PPARGC1A: variants seen among roughly 807,000 people sequenced by gnomAD.
The protein encoded by PPARGC1A is PPARG coactivator 1 alpha, also known as peroxisome proliferator-activated receptor gamma coactivator 1-alpha.
In PPARGC1A, 25 loss-of-function variants were observed where a neutral mutation model predicts 88.7. The observed-to-expected ratio is 0.28, with a 90% CI of 0.21 to 0.39. PPARGC1A has a LOEUF of 0.39. Among genes scored for constraint, PPARGC1A ranks in the 10% least tolerant of loss-of-function variants. PPARGC1A has a pLI of 1.00. For missense variants in PPARGC1A, 880 were observed against 968.7 expected (o/e 0.91, Z 1.22); for synonymous variants, 363 against 355.6 (o/e 1.02, Z -0.24).
At chr4:23,956,215 C>T in the PPARGC1A span, among the ~76,000 whole-genome samples, 101 of 152,046 alleles carry the variant, frequency 6.6e-4, 3 homozygotes, top group Non-Finnish European at 2.2e-4. Flanking sequence ...ATACCTGCTC[C>T]AGACTCCTGC....
At chr4:24,314,810 T>C in the PPARGC1A span, among the ~76,000 whole-genome samples, 1 of 152,182 alleles carries the variant, frequency 6.6e-6, no homozygotes, top group Non-Finnish European at 1.5e-5. Context: ...CCAAGAGCTA[T>C]AATTAACTCA....
chr4:24,049,259 TATAA>T, the PPARGC1A span, among the ~76,000 whole-genome samples: 2 of 144,866 alleles, frequency 1.4e-5, no homozygotes, highest in East Asian at 2.0e-4. Context: ...CATATATGTA[TATAA>T]ATACATATAT....
the PPARGC1A span, among the ~76,000 whole-genome samples, chr4:24,260,585 G>C: frequency 6.6e-6 from 1 of 152,182 alleles, no homozygotes; most frequent in African/African-American, 2.4e-5. Context: ...GAGGATAATA[G>C]TGAGTCCCTG....
the PPARGC1A span, among the ~76,000 whole-genome samples, chr4:24,224,103 A>T: frequency 3.3e-5 from 5 of 152,190 alleles, no homozygotes; most frequent in African/African-American, 1.2e-4. Flanking sequence ...GGGGCACGAC[A>T]GTGTCGTTAC....
At chr4:24,184,320 A>G in the PPARGC1A span, among the ~76,000 whole-genome samples, 2 of 152,218 alleles carry the variant, frequency 1.3e-5, no homozygotes, top group East Asian at 3.9e-4. Context: ...TTCCAGTGAG[A>G]TAACAGAAGA....
At chr4:24,450,032 C>T in the PPARGC1A span, among the ~76,000 whole-genome samples, 10 of 152,180 alleles carry the variant, frequency 6.6e-5, no homozygotes, top group Non-Finnish European at 1.3e-4. Flanking sequence ...GAGCATAGGG[C>T]TTCTCAACAA....
chr4:24,220,665 C>A, the PPARGC1A span, among the ~76,000 whole-genome samples: 1 of 152,054 alleles, frequency 6.6e-6, no homozygotes, highest in Non-Finnish European at 1.5e-5. Flanking sequence ...TAAGTGGGAG[C>A]TAAACACTGG....
the PPARGC1A span, among the ~76,000 whole-genome samples, chr4:24,147,893 G>A: frequency 2.6e-5 from 4 of 152,112 alleles, no homozygotes; most frequent in African/African-American, 9.7e-5. Flanking sequence ...GCAGTGAGCT[G>A]AGATCAAGCC....
chr4:24,091,588 C>A, the PPARGC1A span: 1 of 985,354 alleles, frequency 1.0e-6, no homozygotes, highest in Non-Finnish European at 1.2e-6. Flanking sequence ...TACTCTCTCT[C>A]CTTGCAAGCT....
the PPARGC1A span, among the ~76,000 whole-genome samples, chr4:24,350,374 G>A: frequency 1.3e-5 from 2 of 152,252 alleles, no homozygotes; most frequent in East Asian, 3.9e-4. Flanking sequence ...TACACAAATA[G>A]CATCTGAAAA....
the PPARGC1A span, among the ~76,000 whole-genome samples, chr4:24,149,898 C>A: frequency 6.6e-6 from 1 of 152,250 alleles, no homozygotes; most frequent in Middle Eastern, 3.4e-3. Flanking sequence ...GCAAACCTTA[C>A]GGGAGAAGTT....
chr4:24,033,265 G>A, the PPARGC1A span, among the ~76,000 whole-genome samples: 1 of 152,174 alleles, frequency 6.6e-6, no homozygotes, highest in Non-Finnish European at 1.5e-5. Flanking sequence ...CCCTCAAAGA[G>A]TTGAGGTAAC....
At chr4:24,378,907 T>C in the PPARGC1A span, among the ~76,000 whole-genome samples, 1 of 152,184 alleles carries the variant, frequency 6.6e-6, no homozygotes, top group Admixed American at 6.5e-5. Flanking sequence ...CAATACTGCT[T>C]TTACAAAAAC....
chr4:23,902,052 C>G (rs990627027), upstream of PPARGC1A, among the ~76,000 whole-genome samples: 1 of 151,800 alleles, frequency 6.6e-6, no homozygotes, highest in African/African-American at 2.4e-5. Flanking sequence ...TAAAATATAC[C>G]TGGAATTTCA....
At chr4:24,273,897 A>T in the PPARGC1A span, among the ~76,000 whole-genome samples, 1 of 146,368 alleles carries the variant, frequency 6.8e-6, no homozygotes, top group African/African-American at 2.5e-5. Context: ...CGCCCAGCTA[A>T]TTTTTTTTTT....
the PPARGC1A span, among the ~76,000 whole-genome samples, chr4:24,472,514 A>T: frequency 6.6e-6 from 1 of 152,220 alleles, no homozygotes; most frequent in African/African-American, 2.4e-5. The surrounding 1 kb of genome is among the most constrained non-coding windows in gnomAD (Gnocchi z 4.5). Flanking sequence ...CATACACAAA[A>T]GCAACCCAAA....
the PPARGC1A span, among the ~76,000 whole-genome samples, chr4:24,180,453 TCTGGG>T: frequency 2.6e-5 from 4 of 152,228 alleles, no homozygotes; most frequent in African/African-American, 9.6e-5. Flanking sequence ...CCGGCTACGC[TCTGGG>T]AACCATTGTT....
the PPARGC1A span, among the ~76,000 whole-genome samples, chr4:24,263,990 A>C: frequency 3.4e-4 from 51 of 152,018 alleles, no homozygotes; most frequent in Non-Finnish European, 7.2e-4. Flanking sequence ...GGCTCAAGTG[A>C]TCCGCTTGCC....
the PPARGC1A span, among the ~76,000 whole-genome samples, chr4:24,298,840 A>C: frequency 6.6e-6 from 1 of 152,194 alleles, no homozygotes; most frequent in African/African-American, 2.4e-5. Flanking sequence ...CTGTCGTACA[A>C]ATTTACTCCT....
Sources: gnomAD v4.1 joint callset for allele counts (sites outside exome capture counted in the v4.1 genomes callset) on GRCh38, gnomAD v4.1.1 for gene constraint, Gnocchi (gnomAD v3.1) non-coding constraint, MANE v1.5 for transcripts, NCBI Gene and HGNC (gene_info 2026-07-23, HGNC 2026-07-21) for gene names.